The following NELL2 variants were observed in gnomAD, a reference collection of about 807,000 sequenced individuals.
The protein encoded by NELL2 is protein kinase C-binding protein NELL2.
In NELL2, 41 loss-of-function variants were observed where a neutral mutation model predicts 109.6. The observed-to-expected ratio is 0.37, with a 90% CI of 0.29 to 0.49. The LOEUF is 0.49. Among genes scored for constraint, NELL2 ranks in the 20% least tolerant of loss-of-function variants. The pLI, the probability that NELL2 is intolerant of heterozygous loss-of-function variation, is 0.98. For synonymous variants in NELL2, 355 were observed against 344.7 expected (o/e 1.03, Z -0.33); for missense variants, 900 against 1,008.3 (o/e 0.89, Z 1.45).
At chr12:44,833,878 G>A (rs1324222043) in intron 2 of NELL2, among the ~76,000 whole-genome samples, 1 of 152,138 alleles carries the variant, frequency 6.6e-6, no homozygotes, top group Non-Finnish European at 1.5e-5. Flanking sequence ...AAAGTTGTTA[G>A]GATTTAAAAT....
At chr12:44,638,856 T>C (rs552069014) in intron 13 of NELL2, among the ~76,000 whole-genome samples, 19 of 152,334 alleles carry the variant, frequency 1.2e-4, no homozygotes, top group South Asian at 4.1e-4. Flanking sequence ...AAGTAGTCTA[T>C]ATCAGCACTG....
intron 13 of NELL2, among the ~76,000 whole-genome samples, chr12:44,618,974 G>T (rs1392270874): frequency 1.3e-5 from 2 of 152,134 alleles, no homozygotes; most frequent in Non-Finnish European, 2.9e-5. Context: ...TTTGTCCAAA[G>T]TCACATAGCT....
intron 15 of NELL2, among the ~76,000 whole-genome samples, chr12:44,567,810 A>ATAC (rs1943718146): frequency 2.0e-5 from 3 of 152,146 alleles, no homozygotes; most frequent in Non-Finnish European, 4.4e-5. Context: ...CTGATCAGAC[A>ATAC]ATCATCTTAC....
At chr12:44,919,610 G>A (rs192310519) in intron 1 of NELL2, among the ~76,000 whole-genome samples, 117 of 152,288 alleles carry the variant, frequency 7.7e-4, no homozygotes, top group Non-Finnish European at 1.5e-3. Context: ...AGAATGCTGT[G>A]TGAACGTGAA....
intron 11 of NELL2, among the ~76,000 whole-genome samples, chr12:44,707,693 A>G (rs1439634182): frequency 6.6e-6 from 1 of 152,208 alleles, no homozygotes; most frequent in Admixed American, 6.6e-5. Context: ...TTTAATGTGT[A>G]TAAGAAATAC....
chr12:44,542,579 T>A (rs1942625356), intron 15 of NELL2, among the ~76,000 whole-genome samples: 1 of 152,134 alleles, frequency 6.6e-6, no homozygotes, highest in Admixed American at 6.6e-5. Flanking sequence ...AAACTCAAGA[T>A]AAAATCACCC....
intron 7 of NELL2, among the ~76,000 whole-genome samples, chr12:44,776,701 G>A (rs553531647): frequency 5.2e-4 from 79 of 152,170 alleles, no homozygotes; most frequent in African/African-American, 1.9e-3. Flanking sequence ...ATACAATTCT[G>A]GTGTCTATAT....
chr12:44,915,108 C>A (rs1056836140), upstream of NELL2, among the ~76,000 whole-genome samples: 53 of 152,282 alleles, frequency 3.5e-4, no homozygotes, highest in African/African-American at 1.3e-3. Context: ...ACCTCGGCCT[C>A]CCAAAGTGCT....
intron 16 of NELL2, among the ~76,000 whole-genome samples, chr12:44,531,283 A>C (rs536685932): frequency 6.6e-6 from 1 of 152,286 alleles, no homozygotes; most frequent in South Asian, 2.1e-4. Flanking sequence ...TATGTGCATA[A>C]ATTTTTTAAA....
intron 1 of NELL2, among the ~76,000 whole-genome samples, chr12:44,892,814 A>AG (rs1285228308): frequency 6.6e-6 from 1 of 151,358 alleles, no homozygotes; most frequent in African/African-American, 2.4e-5. Context: ...AAAAAAAAAA[A>AG]AAAAAGAAAC....
At chr12:44,761,481 G>C (rs1187099010) in intron 9 of NELL2, among the ~76,000 whole-genome samples, 1 of 152,038 alleles carries the variant, frequency 6.6e-6, no homozygotes, top group Admixed American at 6.6e-5. Context: ...ATTTCTCAAA[G>C]AACTAAAAAT....
chr12:44,695,277 C>A (rs1316642186), intron 12 of NELL2, among the ~76,000 whole-genome samples: 1 of 138,616 alleles, frequency 7.2e-6, no homozygotes, highest in Non-Finnish European at 1.5e-5. Context: ...AGAATCAGAG[C>A]GAGACTCCGT....
At chr12:44,799,569 T>C (rs555483783) in intron 3 of NELL2, among the ~76,000 whole-genome samples, 1 of 152,344 alleles carries the variant, frequency 6.6e-6, no homozygotes, top group East Asian at 1.9e-4. Context: ...ACTACCACTT[T>C]ATAATATATT....
At position 44,831,992 on chromosome 12, in the gene NELL2, C is replaced by T. The variant is rs55842648; in HGVS notation, c.185-15856G>A. On this transcript the variant is annotated intron_variant, in intron 2 of 19. Coordinates refer to ENST00000429094, the MANE Select transcript of NELL2 (RefSeq NM_001145108.2). Reference sequence around the variant, plus strand: ...GCTTCCTATGACTCGTTCAAATGTTCCCCGTGGGTCTCATTCTGTAAAATG... The same window carrying T: ...GCTTCCTATGACTCGTTCAAATGTTTCCCGTGGGTCTCATTCTGTAAAATG... Among the ~76,000 whole-genome samples the T allele has an allele frequency of 9.9e-3, 1,503 of 152,292 alleles. 28 individuals carry two copies. Among genetic ancestry groups the T allele is most frequent in the African/African-American group, 0.034 (1,403 of 41,552 alleles).
At chr12:44,728,487 T>C (rs1476081207) in intron 9 of NELL2, among the ~76,000 whole-genome samples, 4 of 152,048 alleles carry the variant, frequency 2.6e-5, no homozygotes, top group East Asian at 1.9e-4. Context: ...AAAGGACTTA[T>C]GGGATAACAT....
At chr12:44,879,084 A>G (rs550877810), upstream of NELL2, among the ~76,000 whole-genome samples, 7 of 152,328 alleles carry the variant, frequency 4.6e-5, no homozygotes, top group African/African-American at 1.7e-4. Flanking sequence ...GATTAATGCA[A>G]TATGAGAAGA....
intron 2 of NELL2, among the ~76,000 whole-genome samples, chr12:44,855,478 G>A (rs1944657375): frequency 6.6e-6 from 1 of 152,144 alleles, no homozygotes; most frequent in African/African-American, 2.4e-5. Flanking sequence ...CACTGCCACT[G>A]TATTTTATTG....
chr12:44,892,437 T>C (rs1180300448), intron 1 of NELL2, among the ~76,000 whole-genome samples: 1 of 152,194 alleles, frequency 6.6e-6, no homozygotes, highest in Non-Finnish European at 1.5e-5. Context: ...TCATGGATCA[T>C]TTCCTTTAAA....
At chr12:44,539,973 C>T (rs1194505175) in intron 15 of NELL2, among the ~76,000 whole-genome samples, 1 of 152,106 alleles carries the variant, frequency 6.6e-6, no homozygotes, top group Non-Finnish European at 1.5e-5. Flanking sequence ...AGTCTGAAAG[C>T]ATACACTAAG....
Sources: gnomAD v4.1 joint callset for allele counts (sites outside exome capture counted in the v4.1 genomes callset) on GRCh38, gnomAD v4.1.1 for gene constraint, MANE v1.5 for transcripts, NCBI Gene and HGNC (gene_info 2026-07-23, HGNC 2026-07-21) for gene names.